ITIH4: variants seen among roughly 807,000 people sequenced by gnomAD.
ITIH4 encodes inter-alpha-trypsin inhibitor heavy chain H4.
Under a neutral mutation model 111.8 loss-of-function variants are expected in ITIH4, and 79 were observed. That is an observed-to-expected ratio of 0.71 (90% CI 0.59 to 0.85). ITIH4 has a LOEUF of 0.85. Ranked by LOEUF, ITIH4 falls within the 40% of genes least tolerant of loss-of-function variation. The pLI, the probability that ITIH4 is intolerant of heterozygous loss-of-function variation, is 0.00. For synonymous variants in ITIH4, 472 were observed against 468.3 expected, an observed-to-expected ratio of 1.01 and a Z score of -0.10; for missense variants, 1,065 against 1,195.8, an observed-to-expected ratio of 0.89 and a Z score of 1.61.
Position 52,824,883 on chromosome 3 carries a change from T to C in ITIH4, c.835A>G (p.Ile279Val), listed in dbSNP as rs1167197266. The C allele has an allele frequency of 6.2e-7, 1 of 1,614,100 alleles. No homozygotes were observed. Reference protein sequence around the residue: ...TTMPKNVVFVIDKSGSMSGRK... With the variant: ...TTMPKNVVFVVDKSGSMSGRK... The stretch of plus-strand genomic sequence containing the variant: ...CCACTCATGGAGCCGCTCTTGTCAA[T>C]GACAAAGACCACATTCTTGGGCATT... Residue 279 changes from isoleucine to valine, a missense_variant, in exon 7 of 24, where the codon ATT (isoleucine) becomes GTT (valine). Ile to Val is a conservative substitution (Grantham distance 29, BLOSUM62 3). Transcript: ENST00000266041. The surrounding 1 kb of genome is among the most constrained non-coding windows in gnomAD (Gnocchi z 4.3).
Position 52,824,512 on chromosome 3 carries a change from G to A in ITIH4, c.930C>T (p.Phe310=). 1 of 1,614,126 alleles carries A rather than the reference G, an allele frequency of 6.2e-7. No homozygotes were observed. The highest frequency in any genetic ancestry group is 8.5e-7 in the Non-Finnish European group (1 of 1,180,038). Residue 310 remains phenylalanine, a synonymous_variant, in exon 8 of 24, where the codon TTC becomes TTT. Transcript: ENST00000266041. This position sits in a 1 kb window ranked among gnomAD's most constrained non-coding sequence, Gnocchi z 4.3. ...CTTCTGTACTGAAGACGATGAGGTTGAACTGGTCTCTGGGGCTGAGGTCAT... is the reference window on the plus strand; with the variant it reads ...CTTCTGTACTGAAGACGATGAGGTTAAACTGGTCTCTGGGGCTGAGGTCAT... ...ILDDLSPRDQ[F]NLIVFSTEAT...
chr3:52,827,691 T>C (rs1304783917), intron 2 of ITIH4, among the ~76,000 whole-genome samples: 1 of 152,170 alleles, frequency 6.6e-6, no homozygotes, highest in Non-Finnish European at 1.5e-5. Context: ...TCTGAGCACT[T>C]TCCCCCTACA....
chr3:52,816,235 T>C (rs1344597745), intron 21 of ITIH4, among the ~76,000 whole-genome samples: 1 of 152,210 alleles, frequency 6.6e-6, no homozygotes, highest in African/African-American at 2.4e-5. Context: ...AGACTGTCCC[T>C]GGAAGGCCAC....
chr3:52,819,170 G>T lies in ITIH4; in HGVS notation c.2077+223C>A. On this transcript the variant is annotated intron_variant, in intron 17 of 23. Transcript: ENST00000266041. ...GGATGGGGCAGGGGGCAGCTGCAAAGAGCTGGGAAGGCGAGGACAGCCTCC... is the reference window on the plus strand; with the variant it reads ...GGATGGGGCAGGGGGCAGCTGCAAATAGCTGGGAAGGCGAGGACAGCCTCC... The T allele has an allele frequency of 5.6e-6, 3 of 538,494 alleles. No individual in the cohort carries two copies. The South Asian group carries it at 6.1e-5, about 11-fold the overall frequency. The allele number at this position is 538,494 out of a possible 1,614,324, so 33.4% of individuals were successfully genotyped here. A position where few individuals can be genotyped will look rare whatever the true frequency, so the allele number is the denominator to read the frequency against.
intron 2 of ITIH4, among the ~76,000 whole-genome samples, chr3:52,828,347 C>A (rs1044021092): frequency 6.6e-6 from 1 of 152,212 alleles, no homozygotes; most frequent in African/African-American, 2.4e-5. Flanking sequence ...AAAGTAGAGG[C>A]TGCGGTGGAG....
At chr3:52,829,059 A>G in intron 2 of ITIH4, 60 bp downstream of exon 2, 1 of 1,426,286 alleles carries the variant, frequency 7.0e-7, no homozygotes, top group Non-Finnish European at 9.5e-7. Context: ...GCTGGCACAG[A>G]GCGATGGAGT....
intron 11 of ITIH4, among the ~76,000 whole-genome samples, chr3:52,821,512 C>G (rs1035155536): frequency 6.6e-6 from 1 of 152,142 alleles, no homozygotes; most frequent in Non-Finnish European, 1.5e-5. Context: ...GCCCTTACCC[C>G]CAAAGCTGAG....
At position 52,830,604 on chromosome 3, in the gene ITIH4, A is replaced by G; in HGVS notation, c.39T>C (p.Val13=). ...TGGCCAGCAGTGAAAGCAGGACGAGAACTTTGCTGCAGGTACGGACAGGCC... is the reference window on the plus strand; with the variant it reads ...TGGCCAGCAGTGAAAGCAGGACGAGGACTTTGCTGCAGGTACGGACAGGCC... ...PPRPVRTCSK[V]LVLLSLLAIH... The change falls in exon 1 of 24, where the codon GTT becomes GTC. Residue 13 remains valine (V), a synonymous_variant. Transcript: ENST00000266041. 6.2e-7 allele frequency: 1 copy of G among 1,614,160 alleles called. No individual in the cohort carries two copies. Among genetic ancestry groups the G allele is most frequent in the Non-Finnish European group, 8.5e-7 (1 of 1,179,996 alleles).
intron 13 of ITIH4, 125 bp downstream of exon 13, chr3:52,820,506 A>C: frequency 7.9e-7 from 1 of 1,269,348 alleles, no homozygotes; most frequent in Middle Eastern, 1.9e-4. Context: ...GAATAGGCTG[A>C]ATCTCCCAGG....
intron 21 of ITIH4, among the ~76,000 whole-genome samples, chr3:52,815,460 T>C (rs1700266254): frequency 6.6e-6 from 1 of 152,016 alleles, no homozygotes; most frequent in Non-Finnish European, 1.5e-5. Context: ...CAGGCTGGTC[T>C]CCAATTCCTG....
chr3:52,816,837 T>C (rs1700285541), intron 21 of ITIH4, 47 bp downstream of exon 21: 2 of 1,572,936 alleles, frequency 1.3e-6, no homozygotes, highest in Admixed American at 1.7e-5. Flanking sequence ...TCAGCCACTG[T>C]AGCCTGAAAG....
intron 21 of ITIH4, among the ~76,000 whole-genome samples, chr3:52,814,675 C>T (rs188227319): frequency 8.5e-5 from 13 of 152,242 alleles, no homozygotes; most frequent in African/African-American, 2.9e-4. Context: ...CAACCTGTGC[C>T]TCCTCGGCTC....
chr3:52,828,966 C>A (rs554173006), intron 2 of ITIH4, among the ~76,000 whole-genome samples, 153 bp downstream of exon 2: 5 of 152,092 alleles, frequency 3.3e-5, no homozygotes, highest in Non-Finnish European at 5.9e-5. Context: ...CTTTGGCAAG[C>A]CCCTGTTCCT....
chr3:52,830,596 A>T lies in ITIH4; in HGVS notation c.47T>A (p.Leu16Gln). 1 of 1,614,186 alleles carries T rather than the reference A, an allele frequency of 6.2e-7. No individual in the cohort carries two copies. Among genetic ancestry groups the T allele is most frequent in the Non-Finnish European group, 8.5e-7 (1 of 1,180,004 alleles). Residue 16 changes from leucine (L) to glutamine (Q), a missense_variant, in exon 1 of 24, where the codon CTG becomes CAG. Transcript: ENST00000266041. Reference protein sequence around the residue: ...PVRTCSKVLVLLSLLAIHQTT... With the variant: ...PVRTCSKVLVQLSLLAIHQTT... ...CTGGTGGATGGCCAGCAGTGAAAGC[A>T]GGACGAGAACTTTGCTGCAGGTACG...
intron 11 of ITIH4, among the ~76,000 whole-genome samples, chr3:52,823,177 G>A (rs1280846738): frequency 5.9e-5 from 9 of 152,214 alleles, no homozygotes. Context: ...CTCTTGGCCT[G>A]GTTGCAGTGG....
Position 52,823,648 on chromosome 3 carries a change from G to T in ITIH4, c.1447C>A (p.Arg483=), listed in dbSNP as rs150902707. The T allele has an allele frequency of 2.5e-6, 4 of 1,614,064 alleles. No individual in the cohort carries two copies. In the East Asian group the frequency reaches 6.7e-5, roughly 27 times the overall value. ...AVEEVTQNNF[R]LLFKGSEMVV... ...ATCTCTGAGCCCTTGAAGAGGAGCC[G>T]GAAGTTGTTCTGAGTGACCTCCTCC... is the stretch of plus-strand genomic sequence containing the variant. Residue 483 remains arginine (R), a synonymous_variant, in exon 11 of 24, where the codon CGG becomes AGG. Coordinates refer to ENST00000266041, the MANE Select transcript of ITIH4 (RefSeq NM_002218.5).
At position 52,817,014 on chromosome 3, in the gene ITIH4, A is replaced by C. The variant is rs1191458954; in HGVS notation, c.2341T>G (p.Ser781Ala). 1 of 1,613,848 alleles carries C rather than the reference A, an allele frequency of 6.2e-7. No homozygotes were observed. The highest frequency in any genetic ancestry group is 8.5e-7 in the Non-Finnish European group (1 of 1,179,954). The change falls in exon 21 of 24, where the codon TCA becomes GCA. Residue 781 changes from serine to alanine, a missense_variant. Ser to Ala is a moderately conservative substitution (Grantham distance 99). Coordinates refer to ENST00000266041, the MANE Select transcript of ITIH4 (RefSeq NM_002218.5). ...TTCTTGAAGGTCACTTCGATCCATG[A>C]GAACCCAGCCTTCTCCCTCTCATAC... ...GQYEREKAGF[S>A]WIEVTFKNPL...
chr3:52,817,859 C>A (rs1700306976), intron 20 of ITIH4, among the ~76,000 whole-genome samples, 193 bp downstream of exon 20: 1 of 152,258 alleles, frequency 6.6e-6, no homozygotes, highest in African/African-American at 2.4e-5. Flanking sequence ...CACCTGCACA[C>A]AAGGTGCCCA....
At chr3:52,818,937 G>A (rs1700326482) in intron 17 of ITIH4, 2 of 286,254 alleles carry the variant, frequency 7.0e-6, no homozygotes, top group Non-Finnish European at 1.3e-5. Flanking sequence ...AGTGGGGAGA[G>A]GGGCCTTCAG....
Sources: gnomAD v4.1 joint callset for allele counts (sites outside exome capture counted in the v4.1 genomes callset) on GRCh38, gnomAD v4.1.1 for gene constraint, Gnocchi (gnomAD v3.1) non-coding constraint, MANE v1.5 for transcripts, NCBI Gene and HGNC (gene_info 2026-07-23, HGNC 2026-07-21) for gene names.